The following ANKS1B variants were observed in gnomAD, a reference collection of about 807,000 sequenced individuals.
ANKS1B encodes ankyrin repeat and sterile alpha motif domain containing 1B, also known as ankyrin repeat and sterile alpha motif domain-containing protein 1B.
A neutral mutation model predicts 148.3 loss-of-function variants in ANKS1B; 36 were observed. The observed-to-expected ratio is 0.24, with a 90% CI of 0.19 to 0.32. ANKS1B has a LOEUF of 0.32. Ranked by LOEUF, ANKS1B falls within the 10% of genes least tolerant of loss-of-function variation. ANKS1B has a pLI of 1.00. For missense variants in ANKS1B, 1,157 were observed against 1,542.6 expected (o/e 0.75, Z 4.19); for synonymous variants, 542 against 560.8 (o/e 0.97, Z 0.47).
At chr12:99,125,754 T>C (rs752938236) in intron 15 of ANKS1B, among the ~76,000 whole-genome samples, 3 of 152,164 alleles carry the variant, frequency 2.0e-5, no homozygotes, top group Non-Finnish European at 4.4e-5. Flanking sequence ...GAAGCGAGGA[T>C]GCTGATAAAC....
chr12:99,124,657 A>T (rs1257234341), intron 15 of ANKS1B, among the ~76,000 whole-genome samples: 2 of 152,164 alleles, frequency 1.3e-5, no homozygotes, highest in Non-Finnish European at 2.9e-5. Context: ...CCTAGGAAGT[A>T]AAAATGATAG....
intron 17 of ANKS1B, among the ~76,000 whole-genome samples, chr12:98,905,527 T>C (rs981512979): frequency 6.6e-6 from 1 of 152,144 alleles, no homozygotes; most frequent in Non-Finnish European, 1.5e-5. Context: ...CCCAGCACTT[T>C]GCGGGGCCGA....
chr12:99,384,135 A>G (rs749243800), intron 12 of ANKS1B, among the ~76,000 whole-genome samples: 1 of 152,200 alleles, frequency 6.6e-6, no homozygotes, highest in Non-Finnish European at 1.5e-5. Context: ...TTATCTGTAT[A>G]TAGTAATGTG....
At chr12:99,636,149 C>G (rs945551628) in intron 9 of ANKS1B, among the ~76,000 whole-genome samples, 1 of 151,844 alleles carries the variant, frequency 6.6e-6, no homozygotes, top group Non-Finnish European at 1.5e-5. Flanking sequence ...TATATTTGAT[C>G]TAGAATATAC....
At chr12:99,675,337 A>C (rs2098557413) in intron 8 of ANKS1B, among the ~76,000 whole-genome samples, 1 of 152,084 alleles carries the variant, frequency 6.6e-6, no homozygotes, top group African/African-American at 2.4e-5. Context: ...ACTGTTAAAT[A>C]AATTAGAGTA....
intron 19 of ANKS1B, among the ~76,000 whole-genome samples, chr12:98,822,380 C>T (rs1249778055): frequency 6.6e-6 from 1 of 151,992 alleles, no homozygotes; most frequent in African/African-American, 2.4e-5. Context: ...TTATAACAGC[C>T]AAAACTGACC....
chr12:98,856,194 A>C (rs532197857), intron 17 of ANKS1B, among the ~76,000 whole-genome samples: 5 of 152,356 alleles, frequency 3.3e-5, no homozygotes, highest in African/African-American at 1.2e-4. Context: ...GGTTTAGTGA[A>C]TAATTTGCAT....
At chr12:99,825,915 T>G (rs2083122709) in intron 1 of ANKS1B, among the ~76,000 whole-genome samples, 1 of 152,222 alleles carries the variant, frequency 6.6e-6, no homozygotes, top group Non-Finnish European at 1.5e-5. Context: ...ATTGAAGATT[T>G]GGACTGTTGT....
At chr12:98,899,353 C>T (rs1364692779) in intron 17 of ANKS1B, among the ~76,000 whole-genome samples, 1 of 152,190 alleles carries the variant, frequency 6.6e-6, no homozygotes, top group African/African-American at 2.4e-5. Context: ...AAGTACCACA[C>T]TACTTTTCAC....
intron 12 of ANKS1B, among the ~76,000 whole-genome samples, chr12:99,321,551 G>A (rs7397873): frequency 0.039 from 5,892 of 152,332 alleles, 171 homozygotes; most frequent in Middle Eastern, 0.082. Flanking sequence ...AAGACCGTTG[G>A]AAATGCGCAG....
intron 1 of ANKS1B, among the ~76,000 whole-genome samples, chr12:99,886,881 T>A (rs1285243900): frequency 6.6e-6 from 1 of 152,200 alleles, no homozygotes; most frequent in Non-Finnish European, 1.5e-5. Context: ...ATGTTACAGA[T>A]GTGACATTTA....
At chr12:99,899,775 T>C (rs2093520465) in intron 1 of ANKS1B, among the ~76,000 whole-genome samples, 1 of 152,142 alleles carries the variant, frequency 6.6e-6, no homozygotes, top group Non-Finnish European at 1.5e-5. Flanking sequence ...AAGTTAAAAA[T>C]AATAATGCCC....
intron 12 of ANKS1B, among the ~76,000 whole-genome samples, chr12:99,253,154 G>A (rs1263600209): frequency 6.6e-6 from 1 of 151,914 alleles, no homozygotes; most frequent in South Asian, 2.1e-4. Flanking sequence ...TTGAGCCCAG[G>A]AGTTCAAGTC....
At chr12:99,881,520 T>C (rs2092487164) in intron 1 of ANKS1B, among the ~76,000 whole-genome samples, 1 of 152,182 alleles carries the variant, frequency 6.6e-6, no homozygotes, top group Admixed American at 6.5e-5. Flanking sequence ...AACTCCAGTT[T>C]GTGGCCAAGG....
At chr12:99,571,431 GA>G (rs974109644) in intron 9 of ANKS1B, among the ~76,000 whole-genome samples, 44 of 147,002 alleles carry the variant, frequency 3.0e-4, no homozygotes, top group African/African-American at 7.4e-4. Flanking sequence ...ATCACAACAA[GA>G]AAAAAAAAAG....
At chr12:98,823,705 T>C (rs2099220976) in intron 19 of ANKS1B, among the ~76,000 whole-genome samples, 1 of 152,270 alleles carries the variant, frequency 6.6e-6, no homozygotes, top group Non-Finnish European at 1.5e-5. Flanking sequence ...TTGGCCAGGC[T>C]GGTCTCAAAC....
At chr12:99,403,685 C>T (rs2094467287) in intron 11 of ANKS1B, among the ~76,000 whole-genome samples, 1 of 145,020 alleles carries the variant, frequency 6.9e-6, no homozygotes, top group Non-Finnish European at 1.5e-5. Flanking sequence ...ACTGAAGGAA[C>T]ACTTATACAC....
intron 10 of ANKS1B, among the ~76,000 whole-genome samples, chr12:99,502,148 A>C (rs7133069): frequency 0.25 from 37,847 of 151,820 alleles, 5,330 homozygotes; most frequent in African/African-American, 0.39. Flanking sequence ...CCTCTATCAC[A>C]CCTGATATTC....
chr12:99,896,778 A>G (rs2093403097), intron 1 of ANKS1B, among the ~76,000 whole-genome samples: 1 of 151,296 alleles, frequency 6.6e-6, no homozygotes, highest in African/African-American at 2.4e-5. Flanking sequence ...ACTTTTGGAA[A>G]ATGCTCTCTA....
Sources: gnomAD v4.1 joint callset for allele counts (sites outside exome capture counted in the v4.1 genomes callset) on GRCh38, gnomAD v4.1.1 for gene constraint, MANE v1.5 for transcripts, NCBI Gene and HGNC (gene_info 2026-07-23, HGNC 2026-07-21) for gene names.